The following BTNL8 variants were observed in gnomAD, a reference collection of about 807,000 sequenced individuals.
The protein encoded by BTNL8 is butyrophilin like 8.
Under a neutral mutation model 36.1 loss-of-function variants are expected in BTNL8, and 22 were observed. That is an observed-to-expected ratio of 0.61 (90% CI 0.44 to 0.87). The LOEUF is 0.87. Among genes scored for constraint, BTNL8 ranks in the 40% least tolerant of loss-of-function variants. BTNL8 has a pLI of 0.00. For missense variants in BTNL8, 526 were observed against 616.9 expected (o/e 0.85, Z 1.56); for synonymous variants, 203 against 235.6 (o/e 0.86, Z 1.27).
intron 3 of BTNL8, among the ~76,000 whole-genome samples, chr5:180,941,859 G>A (rs554302221): frequency 3.1e-4 from 27 of 87,226 alleles, no homozygotes; most frequent in African/African-American, 1.5e-3. Flanking sequence ...GGGAAAAGTT[G>A]AAAGCTTTTC....
In BTNL8 at chr5:180,908,044, C is replaced by T. The variant is rs563871329; in HGVS notation, c.50-542C>T. 9.8e-5 allele frequency among the ~76,000 whole-genome samples: 15 copies of T among 152,300 alleles called. No homozygotes were observed. The South Asian group carries it at 2.9e-3, about 29-fold the overall frequency. On this transcript the variant is annotated intron_variant, in intron 1 of 7. Transcript: ENST00000340184. ...GGCCTCCTTGAGCTGTGGTGGGCTC[C>T]ACCCAGTTGGAGCTGCTTTGTTTAC...
chr5:180,922,115 T>C (rs139248294), intron 3 of BTNL8, among the ~76,000 whole-genome samples: 172 of 152,110 alleles, frequency 1.1e-3, no homozygotes, highest in African/African-American at 3.8e-3. Context: ...TAGTGGTCTA[T>C]ATATTTTATT....
intron 7 of BTNL8, 178 bp downstream of exon 7, chr5:180,949,443 C>T: frequency 9.9e-7 from 1 of 1,008,622 alleles, no homozygotes; most frequent in Non-Finnish European, 1.4e-6. Flanking sequence ...ACACTTCTTT[C>T]CCTTGGTCTA....
chr5:180,939,176 G>A (rs1010033813), intron 3 of BTNL8, among the ~76,000 whole-genome samples: 3 of 152,040 alleles, frequency 2.0e-5, no homozygotes, highest in Non-Finnish European at 4.4e-5. Context: ...AAAATGACAG[G>A]AATAAGTCCT....
At chr5:180,941,110 GAGGA>G (rs1177352611) in intron 3 of BTNL8, among the ~76,000 whole-genome samples, 2,679 of 126,858 alleles carry the variant, frequency 0.021, 73 homozygotes, top group African/African-American at 0.064. Context: ...GGAAGGAAGG[GAGGA>G]AGGAAGGAAG....
chr5:180,901,808 A>C (rs751183806), intron 1 of BTNL8, among the ~76,000 whole-genome samples: 2 of 152,184 alleles, frequency 1.3e-5, no homozygotes, highest in Non-Finnish European at 2.9e-5. Flanking sequence ...TGCTAAAATA[A>C]AGTGGAAAAA....
chr5:180,946,467 C>T (rs1025670373), intron 3 of BTNL8, among the ~76,000 whole-genome samples: 6 of 152,076 alleles, frequency 3.9e-5, no homozygotes, highest in African/African-American at 7.2e-5. Flanking sequence ...TTTGCAACTC[C>T]GAGGATAAAC....
chr5:180,907,695 G>A (rs1223719972), intron 1 of BTNL8, among the ~76,000 whole-genome samples: 3 of 152,030 alleles, frequency 2.0e-5, no homozygotes, highest in Non-Finnish European at 1.5e-5. Flanking sequence ...GTACAGATGG[G>A]TTTTTGGTGT....
rs773923044 is a variant in BTNL8, at chr5:180,950,466, C to G, written c.1425C>G (p.Ala475=). ...AGAAAGAGGCCTCTTGGCAAAGGGC[C>G]TCTGCAATCCCAGAGACAAGCAACA... The part of the protein sequence containing the change: ...ESEKEASWQR[A]SAIPETSNSE... Residue 475 remains alanine (A), a synonymous_variant, in exon 8 of 8, where the codon GCC becomes GCG. Coordinates refer to ENST00000340184, the MANE Select transcript of BTNL8 (RefSeq NM_001040462.3). 1 of 1,463,756 alleles carries G rather than the reference C, an allele frequency of 6.8e-7. No homozygotes were observed. Among genetic ancestry groups the G allele is most frequent in the South Asian group, 1.1e-5 (1 of 89,272 alleles). The allele number at this position is 1,463,756 out of a possible 1,614,324, so 90.7% of individuals were successfully genotyped here.
At chr5:180,908,281 CGTCCGT>C (rs1757202379) in intron 1 of BTNL8, among the ~76,000 whole-genome samples, 1 of 133,578 alleles carries the variant, frequency 7.5e-6, no homozygotes, top group Admixed American at 7.5e-5. Context: ...TTTCCAGGTG[CGTCCGT>C]CACCCCTTTC....
intron 1 of BTNL8, 21 bp downstream of exon 1, chr5:180,899,380 C>T: frequency 6.2e-7 from 1 of 1,606,240 alleles, no homozygotes; most frequent in Non-Finnish European, 8.5e-7. Context: ...TCTTTGTTTC[C>T]TCCTTACTAA....
rs371096776 is a variant in BTNL8 at position 180,922,216 on chromosome 5, T to A, written c.673+10602T>A. On this transcript the variant is annotated intron_variant, in intron 3 of 7. Transcript: ENST00000340184. ...CTTCAGTTCAGCTCTGATTTTGTTA[T>A]GTCTTATCTTCTGCTAACTTTGGGA... 3.2e-4 allele frequency among the ~76,000 whole-genome samples: 48 copies of A among 152,236 alleles called. No homozygotes were observed. The South Asian group carries it at 1.0e-2, about 32-fold the overall frequency.
intron 3 of BTNL8, among the ~76,000 whole-genome samples, chr5:180,938,501 C>G (rs537248626): frequency 6.6e-6 from 1 of 151,590 alleles, no homozygotes; most frequent in Admixed American, 6.6e-5. Context: ...AGACTAACAA[C>G]AGATTTCTTT....
intron 3 of BTNL8, among the ~76,000 whole-genome samples, chr5:180,942,256 T>C (rs766118504): frequency 2.0e-5 from 3 of 151,872 alleles, no homozygotes; most frequent in Non-Finnish European, 4.4e-5. Flanking sequence ...ATCTATACAA[T>C]AAAAACTACA....
chr5:180,908,501 G>T (rs1050559105), intron 1 of BTNL8, 85 bp from the exon 2 acceptor site: 5 of 1,310,782 alleles, frequency 3.8e-6, no homozygotes, highest in Middle Eastern at 2.4e-4. Context: ...GCTGTAGACC[G>T]GAGCTGTTCC....
chr5:180,925,441 T>A (rs547028781), intron 3 of BTNL8, among the ~76,000 whole-genome samples: 1 of 152,252 alleles, frequency 6.6e-6, no homozygotes, highest in African/African-American at 2.4e-5. Context: ...AGAGCCCCAA[T>A]ATGGTTTTCA....
intron 3 of BTNL8, among the ~76,000 whole-genome samples, chr5:180,932,357 A>AT (rs1026408205): frequency 5.9e-5 from 9 of 152,106 alleles, no homozygotes; most frequent in African/African-American, 2.2e-4. Context: ...AAGTATAATT[A>AT]TTTTTTTCAG....
chr5:180,902,611 G>C (rs1291431568), intron 1 of BTNL8, among the ~76,000 whole-genome samples: 1 of 150,712 alleles, frequency 6.6e-6, no homozygotes, highest in African/African-American at 2.5e-5. Context: ...TGCCATGCTG[G>C]TGCGCTGCAC....
chr5:180,899,896 A>G, intron 1 of BTNL8, among the ~76,000 whole-genome samples: 1 of 152,146 alleles, frequency 6.6e-6, no homozygotes, highest in Non-Finnish European at 1.5e-5. Context: ...CCTAGTATAT[A>G]GGATGTTGAG....
Sources: gnomAD v4.1 joint callset for allele counts (sites outside exome capture counted in the v4.1 genomes callset) on GRCh38, gnomAD v4.1.1 for gene constraint, MANE v1.5 for transcripts, NCBI Gene and HGNC (gene_info 2026-07-23, HGNC 2026-07-21) for gene names.